The following SYTL2 variants were observed in gnomAD, a reference collection of about 807,000 sequenced individuals.
SYTL2 encodes the protein synaptotagmin-like protein 2.
Under a neutral mutation model 198.7 loss-of-function variants are expected in SYTL2, and 165 were observed. The ratio of observed to expected loss-of-function variants is 0.83; its 90% confidence interval spans 0.73 to 0.94. The LOEUF (loss-of-function observed/expected upper bound fraction) is 0.94, where lower values mean the gene tolerates loss of function less well. Among genes scored for constraint, SYTL2 ranks in the 40% least tolerant of loss-of-function variants. SYTL2 has a pLI of 0.00. For missense variants in SYTL2, 2,835 were observed against 2,582.8 expected, an observed-to-expected ratio of 1.10 and a Z score of -2.12; for synonymous variants, 966 against 917.7, an observed-to-expected ratio of 1.05 and a Z score of -0.95.
intron 4 of SYTL2, among the ~76,000 whole-genome samples, chr11:85,738,390 G>A (rs2090522765): frequency 2.0e-5 from 3 of 152,084 alleles, no homozygotes; most frequent in African/African-American, 7.2e-5. Context: ...ATGAGCAGAA[G>A]GATATAAAAT....
Position 85,724,748 on chromosome 11 carries a change from C to T in SYTL2, c.4610G>A (p.Arg1537Gln), listed in dbSNP as rs565168219. The T allele has an allele frequency of 6.8e-6, 11 of 1,613,386 alleles. No homozygotes were observed. Among genetic ancestry groups the T allele is most frequent in the Middle Eastern group, 1.7e-4 (1 of 6,056 alleles). Residue 1537 changes from arginine (R) to glutamine (Q), a missense_variant, in exon 8 of 20, where the codon CGA becomes CAA. By Grantham distance (43) the Arg-to-Gln change is conservative. Coordinates refer to ENST00000359152, the MANE Select transcript of SYTL2 (RefSeq NM_206927.4). ...KLIGSTEEPR[R>Q]ATSECHPEEL... ...CTCAGGATGGCATTCAGAAGTGGCT[C>T]GCCTGGGCTCCTCTGTACTACCTAT...
intron 2 of SYTL2, among the ~76,000 whole-genome samples, chr11:85,751,434 C>T (rs1475204426): frequency 2.0e-5 from 3 of 152,172 alleles, no homozygotes; most frequent in African/African-American, 7.2e-5. Flanking sequence ...ATTTGATTCT[C>T]TAATTATCGT....
At chr11:85,815,903 C>A (rs2093060689), upstream of SYTL2, among the ~76,000 whole-genome samples, 1 of 152,288 alleles carries the variant, frequency 6.6e-6, no homozygotes, top group African/African-American at 2.4e-5. Flanking sequence ...GTGACTCATT[C>A]CTGTAATCCC....
chr11:85,749,374 A>G (rs779326177), intron 2 of SYTL2, among the ~76,000 whole-genome samples: 1 of 152,236 alleles, frequency 6.6e-6, no homozygotes, highest in Admixed American at 6.5e-5. Context: ...GGGTTTTAAG[A>G]TAGTCATACA....
At chr11:85,756,870 C>A (rs1591931543) in intron 2 of SYTL2, among the ~76,000 whole-genome samples, 1 of 152,156 alleles carries the variant, frequency 6.6e-6, no homozygotes, top group Non-Finnish European at 1.5e-5. Context: ...TTGGATAACT[C>A]CTGGAGCGAG....
chr11:85,722,845 C>G (rs1375479298), intron 8 of SYTL2, among the ~76,000 whole-genome samples: 1 of 151,976 alleles, frequency 6.6e-6, no homozygotes, highest in Non-Finnish European at 1.5e-5. Flanking sequence ...GGGGCTTCAA[C>G]TTAACTGAAT....
At position 85,726,893 on chromosome 11, in the gene SYTL2, G is replaced by A. The variant is rs1362608169; in HGVS notation, c.2465C>T (p.Pro822Leu). The A allele has an allele frequency of 1.3e-6, 2 of 1,536,584 alleles. No individual in the cohort carries two copies. Among genetic ancestry groups the A allele is most frequent in the Non-Finnish European group, 1.7e-6 (2 of 1,146,970 alleles). Residue 822 changes from proline (P) to leucine (L), a missense_variant, in exon 8 of 20, where the codon CCT becomes CTT. Physicochemically the swap from Pro to Leu is moderately conservative, Grantham distance 98. Around this residue, in one of 3 missense-constraint regions of SYTL2, gnomAD observed 2,645 missense variants for 2,381.7 expected, o/e 1.11. Coordinates refer to ENST00000359152, the MANE Select transcript of SYTL2 (RefSeq NM_206927.4). ...KPTSSCSQEQ[P>L]SAKAYQPVKK... ...CACAGGCTGATATGCTTTAGCAGAA[G>A]GTTGTTCCTGGCTACATGAAGATGT...
the SYTL2 span, chr11:85,852,468 T>A: frequency 6.4e-6 from 1 of 156,760 alleles, no homozygotes; most frequent in Non-Finnish European, 1.4e-5. Context: ...CACTGCAACC[T>A]CCCTGCCTGA....
chr11:85,810,156 C>T (rs958558596), intron 1 of SYTL2, among the ~76,000 whole-genome samples: 1 of 152,178 alleles, frequency 6.6e-6, no homozygotes, highest in African/African-American at 2.4e-5. Context: ...TGATTCATAG[C>T]CTGTTCTTAT....
chr11:85,748,122 G>T (rs1340010296), intron 3 of SYTL2, 150 bp downstream of exon 3: 2 of 923,852 alleles, frequency 2.2e-6, no homozygotes, highest in East Asian at 2.5e-5. Flanking sequence ...CAAATCCAAG[G>T]CAAGGGAAAT....
intron 1 of SYTL2, among the ~76,000 whole-genome samples, chr11:85,776,384 T>C (rs2092451596): frequency 6.6e-6 from 1 of 152,230 alleles, no homozygotes; most frequent in Admixed American, 6.5e-5. Flanking sequence ...TTTCTCCTAA[T>C]GTTATCCCTC....
At chr11:85,828,743 A>T in the SYTL2 span, among the ~76,000 whole-genome samples, 2 of 152,216 alleles carry the variant, frequency 1.3e-5, no homozygotes, top group Non-Finnish European at 2.9e-5. Flanking sequence ...CCATTTAATA[A>T]ATGAGGATGC....
chr11:85,738,000 G>C (rs1404381716), intron 4 of SYTL2, among the ~76,000 whole-genome samples: 1 of 152,236 alleles, frequency 6.6e-6, no homozygotes, highest in Admixed American at 6.5e-5. Flanking sequence ...TCAGGCACAG[G>C]AGGTGAAGTT....
intron 1 of SYTL2, among the ~76,000 whole-genome samples, chr11:85,796,527 G>A (rs555661038): frequency 6.6e-6 from 1 of 152,268 alleles, no homozygotes; most frequent in African/African-American, 2.4e-5. Context: ...TATGAAAAAT[G>A]CAACCAAACC....
the SYTL2 span, among the ~76,000 whole-genome samples, chr11:85,847,077 T>C: frequency 6.6e-6 from 1 of 152,230 alleles, no homozygotes; most frequent in African/African-American, 2.4e-5. Context: ...GTACAATTTA[T>C]ATACAATAAA....
At chr11:85,772,409 T>G (rs1034642274) in intron 1 of SYTL2, among the ~76,000 whole-genome samples, 1 of 152,230 alleles carries the variant, frequency 6.6e-6, no homozygotes, top group South Asian at 2.1e-4. Context: ...TTAATGAATA[T>G]CTGACTTGCT....
chr11:85,832,818 C>A, the SYTL2 span, among the ~76,000 whole-genome samples: 1 of 149,946 alleles, frequency 6.7e-6, no homozygotes, highest in East Asian at 1.9e-4. Context: ...ATAGTGAGAC[C>A]TTGTATCTAC....
At chr11:85,794,692 G>C (rs2092777833) in intron 1 of SYTL2, among the ~76,000 whole-genome samples, 2 of 152,096 alleles carry the variant, frequency 1.3e-5, no homozygotes, top group Admixed American at 1.3e-4. Flanking sequence ...TCTGGTATTT[G>C]AAGGGAGGAA....
intron 1 of SYTL2, among the ~76,000 whole-genome samples, chr11:85,767,246 C>G (rs2153571523): frequency 6.6e-6 from 1 of 152,348 alleles, no homozygotes; most frequent in South Asian, 2.1e-4. Flanking sequence ...GGTCACACAA[C>G]TGCCTAACAT....
Sources: allele counts gnomAD v4.1 joint callset (sites outside exome capture counted in the v4.1 genomes callset), GRCh38; gene constraint gnomAD v4.1.1; regional missense constraint gnomAD v4.1.1; transcripts MANE v1.5; gene names NCBI Gene and HGNC (gene_info 2026-07-23, HGNC 2026-07-21).